Variants in GLIS3 observed in about 807,000 individuals in gnomAD.
GLIS3 encodes the protein GLIS family zinc finger 3.
A neutral mutation model predicts 78.6 loss-of-function variants in GLIS3; 53 were observed. That is an observed-to-expected ratio of 0.67 (90% CI 0.54 to 0.85). GLIS3 has a LOEUF of 0.85. Among genes scored for constraint, GLIS3 ranks in the 40% least tolerant of loss-of-function variants. The pLI is 0.00. For missense variants in GLIS3, 1,703 were observed against 1,231.1 expected (o/e 1.38, Z -5.74); for synonymous variants, 684 against 509.9 (o/e 1.34, Z -4.60).
At chr9:4,259,538 C>A (rs773161243) in intron 2 of GLIS3, among the ~76,000 whole-genome samples, 4 of 152,182 alleles carry the variant, frequency 2.6e-5, no homozygotes, top group Non-Finnish European at 5.9e-5. Context: ...TGACAACTCA[C>A]TAACTCCCCC....
intron 2 of GLIS3, among the ~76,000 whole-genome samples, chr9:4,260,582 A>AT (rs35621404): frequency 1.3e-5 from 2 of 150,084 alleles, no homozygotes; most frequent in African/African-American, 4.9e-5. Flanking sequence ...AAAAAAAAAA[A>AT]GATAAATACA....
At chr9:4,377,368 C>A in the GLIS3 span, among the ~76,000 whole-genome samples, 19,764 of 134,928 alleles carry the variant, frequency 0.15, 5,250 homozygotes, top group Middle Eastern at 0.27. Flanking sequence ...GGACATCAGA[C>A]TCCAGGTTCT....
intron 4 of GLIS3, among the ~76,000 whole-genome samples, chr9:3,991,610 A>G (rs1820242800): frequency 1.3e-5 from 2 of 151,146 alleles, no homozygotes; most frequent in African/African-American, 4.9e-5. Flanking sequence ...TTATACTTTC[A>G]TATTTTAACT....
intron 2 of GLIS3, among the ~76,000 whole-genome samples, chr9:4,223,879 T>C (rs937244474): frequency 3.9e-5 from 6 of 152,164 alleles, no homozygotes; most frequent in Non-Finnish European, 8.8e-5. Context: ...AGACCTGTTC[T>C]CTAATAAATT....
chr9:4,187,779 A>C (rs892933187), intron 2 of GLIS3, among the ~76,000 whole-genome samples: 6 of 152,100 alleles, frequency 3.9e-5, no homozygotes, highest in African/African-American at 1.4e-4. Context: ...GAGTTCACTC[A>C]TGATTTGGCT....
At chr9:4,074,755 C>T (rs1827905699) in intron 4 of GLIS3, among the ~76,000 whole-genome samples, 1 of 152,180 alleles carries the variant, frequency 6.6e-6, no homozygotes, top group Non-Finnish European at 1.5e-5. Context: ...TTCATTTCAG[C>T]CTCCTGGTCT....
At chr9:4,416,612 G>A in the GLIS3 span, among the ~76,000 whole-genome samples, 1 of 151,836 alleles carries the variant, frequency 6.6e-6, no homozygotes, top group Non-Finnish European at 1.5e-5. Flanking sequence ...TGTACTTTCA[G>A]TGTTACAAAG....
At chr9:4,010,659 C>A (rs563528382) in intron 4 of GLIS3, among the ~76,000 whole-genome samples, 4 of 152,352 alleles carry the variant, frequency 2.6e-5, no homozygotes, top group Admixed American at 2.0e-4. Flanking sequence ...TGGCTGAGAT[C>A]ATCTGTGGCT....
In GLIS3 at chr9:4,277,677, A is replaced by C. The variant is rs10117824; in HGVS notation, c.388+8361T>G. 2.1e-3 allele frequency among the ~76,000 whole-genome samples: 315 copies of C among 152,356 alleles called. 8 individuals carry two copies. Among genetic ancestry groups the C allele is most frequent in the African/African-American group, 7.4e-3 (306 of 41,576 alleles). On this transcript the variant is annotated intron_variant, in intron 2 of 10. Transcript: ENST00000381971. ...CAGCAAGAAATGTCAGAAGCCCTGA[A>C]GTAAAATAAAAACTCTTATAATGAA...
At chr9:4,348,247 A>G (rs563620200) in exon 1 of GLIS3, 1 of 152,346 alleles carries the variant, frequency 6.6e-6, no homozygotes, top group African/African-American at 2.4e-5. Context: ...AGAAATTCAG[A>G]AATAGGCCAT....
intron 4 of GLIS3, among the ~76,000 whole-genome samples, chr9:4,026,284 C>T (rs1296578828): frequency 1.3e-5 from 2 of 152,194 alleles, no homozygotes; most frequent in African/African-American, 4.8e-5. Context: ...CAGTCTCAAT[C>T]ATCAAGTCAT....
At chr9:4,084,290 CACACA>C (rs113515470) in intron 4 of GLIS3, among the ~76,000 whole-genome samples, 25,245 of 136,416 alleles carry the variant, frequency 0.19, 2,576 homozygotes, top group East Asian at 0.33. Flanking sequence ...CACACACACA[CACACA>C]AATTCCTAGC....
At chr9:3,976,101 T>C (rs1260600838) in intron 4 of GLIS3, among the ~76,000 whole-genome samples, 1 of 152,088 alleles carries the variant, frequency 6.6e-6, no homozygotes, top group Non-Finnish European at 1.5e-5. Flanking sequence ...CCCTAGAAGA[T>C]TTTGGTTTCT....
the GLIS3 span, among the ~76,000 whole-genome samples, chr9:4,450,960 G>C: frequency 6.6e-6 from 1 of 152,152 alleles, no homozygotes; most frequent in African/African-American, 2.4e-5. Flanking sequence ...AAAATAACCA[G>C]CTAACATCAT....
At chr9:4,483,676 T>C in the GLIS3 span, among the ~76,000 whole-genome samples, 1 of 148,120 alleles carries the variant, frequency 6.8e-6, no homozygotes, top group African/African-American at 2.5e-5. Flanking sequence ...GCCGATATCA[T>C]GCCACTGCGC....
At chr9:4,070,614 G>T (rs1325950048) in intron 4 of GLIS3, among the ~76,000 whole-genome samples, 2 of 152,116 alleles carry the variant, frequency 1.3e-5, no homozygotes, top group African/African-American at 4.8e-5. Context: ...GTATGTATGT[G>T]TGTGTATATG....
At chr9:3,912,189 T>C (rs1325326639) in intron 6 of GLIS3, among the ~76,000 whole-genome samples, 2 of 152,182 alleles carry the variant, frequency 1.3e-5, no homozygotes, top group African/African-American at 4.8e-5. Flanking sequence ...TTGCATAAAA[T>C]TAATTTTCTT....
intron 2 of GLIS3, among the ~76,000 whole-genome samples, chr9:4,132,824 A>G (rs540457463): frequency 9.7e-4 from 148 of 152,290 alleles, no homozygotes; most frequent in African/African-American, 3.3e-3. Context: ...TGTTACAGAA[A>G]CAGAAATATA....
intron 2 of GLIS3, among the ~76,000 whole-genome samples, chr9:4,238,465 G>C (rs967709236): frequency 2.6e-5 from 4 of 152,102 alleles, no homozygotes; most frequent in East Asian, 1.9e-4. Flanking sequence ...AATACACCTA[G>C]ACCTAGCAGT....
Sources: allele counts gnomAD v4.1 joint callset (sites outside exome capture counted in the v4.1 genomes callset), GRCh38; gene constraint gnomAD v4.1.1; transcripts MANE v1.5; gene names NCBI Gene and HGNC (gene_info 2026-07-23, HGNC 2026-07-21).